The following STK32A variants were observed in gnomAD, a reference collection of about 807,000 sequenced individuals.
STK32A encodes serine/threonine kinase 32A.
STK32A carries 41 observed loss-of-function variants against 53.2 expected under a neutral mutation model. The ratio of observed to expected loss-of-function variants is 0.77; its 90% CI spans 0.60 to 1.00. STK32A has a LOEUF of 1.00. Ranked by LOEUF, STK32A falls within the 50% of genes least tolerant of loss-of-function variation. The pLI is 0.00. For synonymous variants in STK32A, 166 were observed against 162.8 expected, an observed-to-expected ratio of 1.02 and a Z score of -0.15; for missense variants, 458 against 485.8, an observed-to-expected ratio of 0.94 and a Z score of 0.54.
At chr5:147,371,290 G>A (rs1756994432) in intron 9 of STK32A, among the ~76,000 whole-genome samples, 1 of 152,042 alleles carries the variant, frequency 6.6e-6, no homozygotes. Context: ...GGACAGTCCA[G>A]GATATTTTCC....
chr5:147,352,016 G>A (rs1332820762), intron 7 of STK32A, among the ~76,000 whole-genome samples: 1 of 152,058 alleles, frequency 6.6e-6, no homozygotes, highest in Non-Finnish European at 1.5e-5. Flanking sequence ...TTTACTTGTA[G>A]TGCCACAACA....
At chr5:147,269,219 T>A (rs1754930076) in intron 2 of STK32A, among the ~76,000 whole-genome samples, 1 of 152,196 alleles carries the variant, frequency 6.6e-6, no homozygotes, top group Non-Finnish European at 1.5e-5. Context: ...TATATAAATG[T>A]TAGATGTTAG....
At chr5:147,372,010 G>A (rs534269807) in intron 9 of STK32A, among the ~76,000 whole-genome samples, 64 of 151,996 alleles carry the variant, frequency 4.2e-4, no homozygotes, top group Non-Finnish European at 5.1e-4. Flanking sequence ...CCTTGGTTAC[G>A]TACCATTTTC....
chr5:147,334,710 T>C (rs1755031587), intron 5 of STK32A, among the ~76,000 whole-genome samples: 1 of 152,218 alleles, frequency 6.6e-6, no homozygotes, highest in South Asian at 2.1e-4. Flanking sequence ...GCTGTCACAA[T>C]GGTTCAATGA....
the STK32A span, chr5:147,395,725 C>T: frequency 6.2e-7 from 1 of 1,613,574 alleles, no homozygotes; most frequent in East Asian, 2.2e-5. Context: ...CTGCCATCTG[C>T]AGCCAGAGAA....
At chr5:147,284,944 A>G (rs1752259024) in intron 4 of STK32A, among the ~76,000 whole-genome samples, 1 of 152,152 alleles carries the variant, frequency 6.6e-6, no homozygotes, top group Non-Finnish European at 1.5e-5. Context: ...CAGAATTAGA[A>G]AAAACAATTC....
chr5:147,351,303 T>C, intron 7 of STK32A, 149 bp downstream of exon 7: 1 of 656,296 alleles, frequency 1.5e-6, no homozygotes, highest in Non-Finnish European at 2.6e-6. Flanking sequence ...TCTTCTCCAC[T>C]AGCAAGCACC....
At chr5:147,355,790 G>GTA (rs1276723577) in intron 7 of STK32A, among the ~76,000 whole-genome samples, 1 of 137,788 alleles carries the variant, frequency 7.3e-6, no homozygotes, top group Non-Finnish European at 1.6e-5. Context: ...GAGTGTGTGT[G>GTA]TGTATATATA....
intron 9 of STK32A, among the ~76,000 whole-genome samples, chr5:147,372,348 T>A (rs2152004069): frequency 7.3e-6 from 1 of 136,980 alleles, no homozygotes; most frequent in South Asian, 2.4e-4. Context: ...ATAGCTTTAG[T>A]GGCTAAGGAG....
chr5:147,351,057 C>G lies in STK32A; in HGVS notation c.473-8C>G. The G allele has an allele frequency of 6.2e-7, 1 of 1,613,204 alleles. No individual in the cohort carries two copies. Among genetic ancestry groups the G allele is most frequent in the Admixed American group, 1.7e-5 (1 of 59,996 alleles). On this transcript the variant is annotated splice_polypyrimidine_tract_variant and splice_region_variant and intron_variant, in intron 6 of 12. Transcript: ENST00000397936. ...TTAACTTTCTGTGTGGTTCTTCTCT[C>G]TCTGCAGGGCACGTGCACATCACAG... is the stretch of plus-strand genomic sequence containing the variant.
intron 11 of STK32A, among the ~76,000 whole-genome samples, chr5:147,381,176 G>A (rs1287385396): frequency 6.6e-6 from 1 of 152,112 alleles, no homozygotes; most frequent in Non-Finnish European, 1.5e-5. Context: ...GCCAGATAGA[G>A]GACCCTTGGT....
chr5:147,301,916 G>A (rs1310531638), intron 4 of STK32A, among the ~76,000 whole-genome samples: 1 of 152,038 alleles, frequency 6.6e-6, no homozygotes, highest in Non-Finnish European at 1.5e-5. Context: ...TATCTTCAAA[G>A]CCAGCAGCAT....
intron 4 of STK32A, among the ~76,000 whole-genome samples, chr5:147,282,072 C>A (rs567215732): frequency 3.3e-5 from 5 of 152,104 alleles, no homozygotes; most frequent in Admixed American, 6.5e-5. Context: ...ATTGCCATTA[C>A]CAAGTCACCA....
intron 8 of STK32A, among the ~76,000 whole-genome samples, chr5:147,369,265 C>A (rs59168620): frequency 6.6e-6 from 1 of 152,244 alleles, no homozygotes; most frequent in East Asian, 1.9e-4. Context: ...TCAAGGGCCA[C>A]CTCCTGGCAC....
chr5:147,259,810 GTT>G (rs1470042229), intron 2 of STK32A, among the ~76,000 whole-genome samples: 1 of 132,820 alleles, frequency 7.5e-6, no homozygotes, highest in South Asian at 2.5e-4. Context: ...TCTCTGTCCT[GTT>G]TCTCTCTCTC....
At chr5:147,289,831 G>A (rs1167338313) in intron 4 of STK32A, among the ~76,000 whole-genome samples, 1 of 152,070 alleles carries the variant, frequency 6.6e-6, no homozygotes, top group Non-Finnish European at 1.5e-5. Flanking sequence ...TTGATTTTCT[G>A]TTTTTGATCA....
At chr5:147,379,649 T>A (rs188342206) in intron 11 of STK32A, among the ~76,000 whole-genome samples, 224 of 152,214 alleles carry the variant, frequency 1.5e-3, no homozygotes, top group Non-Finnish European at 2.6e-3. Context: ...CTGCTCAACA[T>A]CTTTAAAGTA....
intron 6 of STK32A, among the ~76,000 whole-genome samples, chr5:147,344,417 T>A (rs1561735405): frequency 6.6e-6 from 1 of 152,226 alleles, no homozygotes; most frequent in South Asian, 2.1e-4. Flanking sequence ...AAACAGGGTC[T>A]CTGATTCTCA....
In STK32A at chr5:147,384,095, G is replaced by T. The variant is rs572695670; in HGVS notation, c.*112G>T. On this transcript the variant is annotated 3_prime_UTR_variant, in exon 13 of 13. Coordinates refer to ENST00000397936, the MANE Select transcript of STK32A (RefSeq NM_001112724.2). ...CTCCACACACCATGACTTAGAAAAT[G>T]TGAATGAATATATTTCAAAAAAGGC... 418 of 1,496,954 alleles carry T rather than the reference G, an allele frequency of 2.8e-4. No homozygotes were observed. The highest frequency in any genetic ancestry group is 3.6e-4 in the Non-Finnish European group (407 of 1,133,916). The allele number at this position is 1,496,954 out of a possible 1,614,324, so 92.7% of individuals were successfully genotyped here.
Sources: gnomAD v4.1 joint callset for allele counts (sites outside exome capture counted in the v4.1 genomes callset) on GRCh38, gnomAD v4.1.1 for gene constraint, MANE v1.5 for transcripts, NCBI Gene and HGNC (gene_info 2026-07-23, HGNC 2026-07-21) for gene names.